ADRA1A: variants seen among roughly 807,000 people sequenced by gnomAD.
ADRA1A encodes adrenoceptor alpha 1A, also known as alpha-1A adrenergic receptor.
ADRA1A carries 31 observed loss-of-function variants against 29.6 expected under a neutral mutation model. The ratio of observed to expected loss-of-function variants is 1.05; its 90% CI spans 0.79 to 1.41. The LOEUF is 1.41. Ranked by LOEUF, ADRA1A falls within the 40% of genes most tolerant of loss-of-function variation. The probability of loss-of-function intolerance (pLI) is 0.00; values close to 1 mark genes in which losing one functional copy is unlikely to be tolerated. For synonymous variants in ADRA1A, 311 were observed against 254.3 expected, an observed-to-expected ratio of 1.22 and a Z score of -2.12; for missense variants, 619 against 601.1, an observed-to-expected ratio of 1.03 and a Z score of -0.31.
rs1204162907 is a variant in ADRA1A, at chr8:26,770,178, A to G, written c.1372T>C (p.Ser458Pro). The change falls in exon 3 of 3, where the codon TCC becomes CCC. Residue 458 changes from serine (S) to proline (P), a missense_variant. Transcript: ENST00000380573. ...QVPTIKVHTI[S>P]LSENGEEV ...ACTTCCTCCCCGTTCTCACTGAGGGAGATGGTGTGGACCTTAATGGTTGGA... is the reference window on the plus strand; with the variant it reads ...ACTTCCTCCCCGTTCTCACTGAGGGGGATGGTGTGGACCTTAATGGTTGGA... The G allele has an allele frequency of 6.4e-7, 1 of 1,571,012 alleles. No homozygotes were observed. The highest frequency in any genetic ancestry group is 8.6e-7 in the Non-Finnish European group (1 of 1,157,006).
At chr8:26,836,875 G>T (rs13282250) in intron 2 of ADRA1A, among the ~76,000 whole-genome samples, 1 of 152,064 alleles carries the variant, frequency 6.6e-6, no homozygotes, top group African/African-American at 2.4e-5. Context: ...GAAGGGGAGT[G>T]CTTAGGTCCC....
chr8:26,811,443 C>T (rs1253239608), intron 2 of ADRA1A, among the ~76,000 whole-genome samples: 2 of 152,090 alleles, frequency 1.3e-5, no homozygotes, highest in African/African-American at 2.4e-5. Flanking sequence ...CCACCCACCT[C>T]GGCCTCCCAA....
intron 2 of ADRA1A, among the ~76,000 whole-genome samples, chr8:26,846,505 A>G (rs1303487683): frequency 6.6e-6 from 1 of 152,210 alleles, no homozygotes; most frequent in Admixed American, 6.5e-5. Context: ...GCAGTGGCTC[A>G]TGCCTGTAAT....
chr8:26,824,469 G>A (rs1205446994), intron 2 of ADRA1A, among the ~76,000 whole-genome samples: 1 of 152,112 alleles, frequency 6.6e-6, no homozygotes, highest in Non-Finnish European at 1.5e-5. Flanking sequence ...GTTATTGTGA[G>A]GATCGAACAA....
intron 2 of ADRA1A, among the ~76,000 whole-genome samples, chr8:26,780,276 T>C (rs1806867141): frequency 6.6e-6 from 1 of 152,092 alleles, no homozygotes; most frequent in Non-Finnish European, 1.5e-5. Context: ...CTTCTATGAG[T>C]GTCTCCAACA....
In ADRA1A at chr8:26,775,920, A is replaced by G. The variant is rs1426315740; in HGVS notation, c.884-5254T>C. On this transcript the variant is annotated intron_variant, in intron 2 of 2. Coordinates refer to ENST00000380573, the MANE Select transcript of ADRA1A (RefSeq NM_000680.4). The surrounding 1 kb of genome is among the most constrained non-coding windows in gnomAD (Gnocchi z 4.1). The stretch of plus-strand genomic sequence containing the variant: ...AAGAAATTGAAACGAATAATTTAAA[A>G]TGTTGCCTCTATGTCTTTCCACTGA... 6.6e-6 allele frequency among the ~76,000 whole-genome samples: 1 copy of G among 152,202 alleles called. No homozygotes were observed. The highest frequency in any genetic ancestry group is 1.5e-5 in the Non-Finnish European group (1 of 68,042).
intron 2 of ADRA1A, among the ~76,000 whole-genome samples, chr8:26,786,746 G>T (rs58721600): frequency 5.4e-4 from 28 of 51,488 alleles, no homozygotes; most frequent in African/African-American, 4.6e-3. Context: ...TGCTGGGTTG[G>T]GGGGGGGGGT....
At chr8:26,748,931 TCCC>T (rs2130134501) in intron 2 of ADRA1A, among the ~76,000 whole-genome samples, 1 of 152,166 alleles carries the variant, frequency 6.6e-6, no homozygotes, top group East Asian at 1.9e-4. Context: ...TCTGAAGCTG[TCCC>T]CTCAGCAGGT....
chr8:26,833,124 G>A (rs1811108416), intron 2 of ADRA1A, among the ~76,000 whole-genome samples: 1 of 152,180 alleles, frequency 6.6e-6, no homozygotes. Flanking sequence ...GAAGAAAAGA[G>A]GGTCTCTGAT....
chr8:26,803,403 A>T (rs966578881), intron 2 of ADRA1A, among the ~76,000 whole-genome samples: 2 of 152,216 alleles, frequency 1.3e-5, no homozygotes, highest in African/African-American at 4.8e-5. Flanking sequence ...TGACTCTTGA[A>T]CTATACTTAT....
chr8:26,769,931 C>G lies in ADRA1A; in HGVS notation c.*218G>C. 7.7e-7 allele frequency: 1 copy of G among 1,292,076 alleles called. No homozygotes were observed. The highest frequency in any genetic ancestry group is 1.5e-5 in the African/African-American group (1 of 67,172). 80.0% of individuals were successfully genotyped at this position (1,292,076 alleles called of 1,614,324 possible). A position where few individuals can be genotyped will look rare whatever the true frequency, so the allele number is the denominator to read the frequency against. ...AGAAAGCATTAGCTGCAGGGAAATG[C>G]TGTTCCGTATCATTCTGAACTGGTT... On this transcript the variant is annotated 3_prime_UTR_variant, in exon 3 of 3. Transcript: ENST00000380573.
chr8:26,775,248 A>G lies in ADRA1A; in HGVS notation c.884-4582T>C, dbSNP rs994752883. Among the ~76,000 whole-genome samples the G allele has an allele frequency of 6.6e-6, 1 of 152,170 alleles. No individual in the cohort carries two copies. The highest frequency in any genetic ancestry group is 2.4e-5 in the African/African-American group (1 of 41,442). The stretch of plus-strand genomic sequence containing the variant: ...ATGGCTGTGTCTCTGTGTTCTTGCC[A>G]TGGTTCTTCTTCACAGTGTGGCTTG... On this transcript the variant is annotated intron_variant, in intron 2 of 2. Coordinates refer to ENST00000380573, the MANE Select transcript of ADRA1A (RefSeq NM_000680.4). The surrounding 1 kb of genome is among the most constrained non-coding windows in gnomAD (Gnocchi z 4.1).
chr8:26,756,438 A>G, exon 3 of ADRA1A: 1 of 1,402,024 alleles, frequency 7.1e-7, no homozygotes, highest in Admixed American at 2.4e-5. Flanking sequence ...TTAACTTTTA[A>G]GAATGAAATG....
At chr8:26,774,631 G>A (rs1307673431) in intron 2 of ADRA1A, among the ~76,000 whole-genome samples, 1 of 151,316 alleles carries the variant, frequency 6.6e-6, no homozygotes, top group African/African-American at 2.4e-5. Flanking sequence ...GCGCACCACT[G>A]CAGTCCAGCA....
downstream of ADRA1A, among the ~76,000 whole-genome samples, chr8:26,762,683 C>T (rs1358689924): frequency 6.6e-6 from 1 of 152,138 alleles, no homozygotes; most frequent in East Asian, 1.9e-4. The surrounding 1 kb of genome is among the most constrained non-coding windows in gnomAD (Gnocchi z 4.0). Context: ...GGGAAAGCTG[C>T]CATGAAGCAT....
chr8:26,844,128 T>C (rs1375706368), intron 2 of ADRA1A, among the ~76,000 whole-genome samples: 1 of 152,212 alleles, frequency 6.6e-6, no homozygotes, highest in African/African-American at 2.4e-5. Context: ...ATGTTGTATA[T>C]TGTATACTAC....
At chr8:26,847,753 A>G (rs185442140) in intron 2 of ADRA1A, among the ~76,000 whole-genome samples, 2 of 152,162 alleles carry the variant, frequency 1.3e-5, no homozygotes, top group Non-Finnish European at 2.9e-5. Flanking sequence ...TACAAACCAC[A>G]CTTCTTCCCA....
chr8:26,803,398 C>G (rs1388786393), intron 2 of ADRA1A, among the ~76,000 whole-genome samples: 1 of 152,100 alleles, frequency 6.6e-6, no homozygotes, highest in Non-Finnish European at 1.5e-5. Flanking sequence ...AAAGATGACT[C>G]TTGAACTATA....
intron 2 of ADRA1A, among the ~76,000 whole-genome samples, chr8:26,814,747 G>A (rs748948417): frequency 6.6e-6 from 1 of 152,128 alleles, no homozygotes; most frequent in Non-Finnish European, 1.5e-5. Context: ...GATAATGGTG[G>A]TTACTTTAGG....
Sources: allele counts gnomAD v4.1 joint callset (sites outside exome capture counted in the v4.1 genomes callset), GRCh38; gene constraint gnomAD v4.1.1; non-coding constraint Gnocchi (gnomAD v3.1); transcripts MANE v1.5; gene names NCBI Gene and HGNC (gene_info 2026-07-23, HGNC 2026-07-21).